Variants in ATP2B2 observed in about 807,000 individuals in gnomAD.
ATP2B2 encodes plasma membrane calcium-transporting ATPase 2.
In ATP2B2, 15 loss-of-function variants were observed where a neutral mutation model predicts 120.0. The ratio of observed to expected loss-of-function variants is 0.12; its 90% CI spans 0.08 to 0.19. The LOEUF (loss-of-function observed/expected upper bound fraction) is 0.19. Among genes scored for constraint, ATP2B2 ranks in the 10% least tolerant of loss-of-function variants. ATP2B2 has a pLI of 1.00. For synonymous variants in ATP2B2, 694 were observed against 700.3 expected (o/e 0.99, Z 0.14); for missense variants, 1,045 against 1,719.8 (o/e 0.61, Z 6.94).
intron 2 of ATP2B2, among the ~76,000 whole-genome samples, chr3:10,442,216 C>T (rs932554728): frequency 5.3e-5 from 8 of 152,062 alleles, no homozygotes; most frequent in African/African-American, 9.7e-5. Flanking sequence ...AGTGAGGCCC[C>T]GTGGAAATGC....
intron 2 of ATP2B2, among the ~76,000 whole-genome samples, chr3:10,417,991 T>C (rs2062847543): frequency 6.6e-6 from 1 of 152,150 alleles, no homozygotes; most frequent in African/African-American, 2.4e-5. Flanking sequence ...AGAAACTGAA[T>C]TTATAGCATG....
chr3:10,442,690 C>T (rs544178483), intron 2 of ATP2B2, among the ~76,000 whole-genome samples: 1 of 152,256 alleles, frequency 6.6e-6, no homozygotes, highest in South Asian at 2.1e-4. Flanking sequence ...CCAAGACTCA[C>T]ATGCATTGCT....
Position 10,347,992 on chromosome 3 carries a change from C to T in ATP2B2, c.2405-1855G>A, listed in dbSNP as rs543798874. Among the ~76,000 whole-genome samples the T allele has an allele frequency of 1.2e-4, 19 of 152,218 alleles. No individual in the cohort carries two copies. The South Asian group carries it at 3.5e-3, about 28-fold the overall frequency. On this transcript the variant is annotated intron_variant, in intron 16 of 22. Coordinates refer to ENST00000360273, the MANE Select transcript of ATP2B2 (RefSeq NM_001001331.4). This position sits in a 1 kb window ranked among gnomAD's most constrained non-coding sequence, Gnocchi z 5.2. The stretch of plus-strand genomic sequence containing the variant: ...CCCGGCACCACTCCCCACTGACCAT[C>T]CTCCTGCCCCTCTAGCCTCCTCCCC...
chr3:10,351,541 C>T (rs1175875170), intron 14 of ATP2B2, among the ~76,000 whole-genome samples: 5 of 152,258 alleles, frequency 3.3e-5, no homozygotes, highest in African/African-American at 4.8e-5. Context: ...TGACCAGGAG[C>T]GCACTCCAGC....
At chr3:10,345,281 G>T (rs1395251209) in intron 18 of ATP2B2, 103 bp downstream of exon 18, 4 of 1,350,962 alleles carry the variant, frequency 3.0e-6, no homozygotes. Flanking sequence ...CCTCATCCCC[G>T]GCTGTTCTGA....
intron 14 of ATP2B2, among the ~76,000 whole-genome samples, chr3:10,350,891 C>T (rs1294098563): frequency 2.6e-5 from 4 of 152,168 alleles, no homozygotes; most frequent in African/African-American, 7.2e-5. Context: ...TCGACCTGGG[C>T]GAAGACTTTG....
Position 10,341,274 on chromosome 3 carries a change from C to T in ATP2B2, c.2918-570G>A, listed in dbSNP as rs367568765. On this transcript the variant is annotated intron_variant, in intron 19 of 22. Coordinates refer to ENST00000360273, the MANE Select transcript of ATP2B2 (RefSeq NM_001001331.4). ...GCAGGGCACTGCTGTGTAGACGCTG[C>T]TGATAGGGTGTCTGATGCAGTCCTG... Among the ~76,000 whole-genome samples the T allele has an allele frequency of 6.6e-5, 10 of 152,094 alleles. 1 individual carries two copies. Among genetic ancestry groups the T allele is most frequent in the East Asian group, 5.8e-4 (3 of 5,178 alleles).
At chr3:10,665,009 C>T (rs950572348) in intron 1 of ATP2B2, among the ~76,000 whole-genome samples, 5 of 152,200 alleles carry the variant, frequency 3.3e-5, no homozygotes, top group Admixed American at 2.0e-4. Flanking sequence ...GTCTCCTCCT[C>T]TGAGCCACTA....
chr3:10,590,947 T>A (rs182755243), intron 2 of ATP2B2, among the ~76,000 whole-genome samples: 17 of 152,124 alleles, frequency 1.1e-4, no homozygotes. Flanking sequence ...AGGTGAGGAC[T>A]TCCTACTGAA....
At chr3:10,433,674 TA>T (rs1559332636) in intron 2 of ATP2B2, among the ~76,000 whole-genome samples, 2 of 152,104 alleles carry the variant, frequency 1.3e-5, no homozygotes, top group African/African-American at 4.8e-5. Flanking sequence ...GGAATGGACA[TA>T]GGGGATTTGA....
At chr3:10,396,869 G>A (rs2062054695) in intron 5 of ATP2B2, among the ~76,000 whole-genome samples, 1 of 152,060 alleles carries the variant, frequency 6.6e-6, no homozygotes. Flanking sequence ...AAGCTTGTTG[G>A]GGGTCCCTGG....
intron 1 of ATP2B2, among the ~76,000 whole-genome samples, chr3:10,672,911 G>A (rs529436275): frequency 2.2e-4 from 34 of 152,210 alleles, no homozygotes; most frequent in African/African-American, 8.2e-4. Flanking sequence ...TCAGCCAGTC[G>A]GGGGAAAGGA....
At chr3:10,444,081 T>C (rs1414870353) in intron 2 of ATP2B2, among the ~76,000 whole-genome samples, 8 of 152,318 alleles carry the variant, frequency 5.3e-5, no homozygotes, top group African/African-American at 1.7e-4. Context: ...CTCGGCCTCA[T>C]ACCTGACAGA....
At chr3:10,557,685 G>T (rs2067811685) in intron 2 of ATP2B2, among the ~76,000 whole-genome samples, 2 of 152,248 alleles carry the variant, frequency 1.3e-5, no homozygotes, top group African/African-American at 4.8e-5. Context: ...ACTGGAGTGG[G>T]GCCTGTGTAC....
At chr3:10,366,187 C>T (rs1275022659) in intron 12 of ATP2B2, among the ~76,000 whole-genome samples, 1 of 152,154 alleles carries the variant, frequency 6.6e-6, no homozygotes, top group African/African-American at 2.4e-5. Context: ...AATATTAGAT[C>T]GAGCCCTGGG....
Position 10,641,609 on chromosome 3 carries a change from G to A in ATP2B2, c.-459-21648C>T, listed in dbSNP as rs567991303. Reference sequence around the variant, plus strand: ...AGATCTCGCCTTTAAGATGCCAGTTGGCAATGTCTGGTCTAGAACAAGAAT... The same window carrying A: ...AGATCTCGCCTTTAAGATGCCAGTTAGCAATGTCTGGTCTAGAACAAGAAT... On this transcript the variant is annotated intron_variant, in intron 1 of 21. Transcript: ENST00000646379. 4.6e-5 allele frequency among the ~76,000 whole-genome samples: 7 copies of A among 152,310 alleles called. No homozygotes were observed. In the East Asian group the frequency reaches 1.3e-3, roughly 29 times the overall value.
rs1158170313 is a variant in ATP2B2, at chr3:10,399,975, A to T, written c.781+978T>A. On this transcript the variant is annotated intron_variant, in intron 5 of 22. Transcript: ENST00000360273. ...ATTCAGGCTAGGGGCTCCCATGGGCAGGGGCTGGGCCTGAATCACTGGTGG... is the reference window on the plus strand; with the variant it reads ...ATTCAGGCTAGGGGCTCCCATGGGCTGGGGCTGGGCCTGAATCACTGGTGG... Among the ~76,000 whole-genome samples, 4 of 152,348 alleles carry T rather than the reference A, an allele frequency of 2.6e-5. No homozygotes were observed. In the East Asian group the frequency reaches 7.7e-4, roughly 29 times the overall value.
rs2278556 is a variant in ATP2B2 at position 10,360,419 on chromosome 3, G to A, written c.1660-296C>T. Among the ~76,000 whole-genome samples, 52,817 of 152,144 alleles carry A rather than the reference G, an allele frequency of 0.35. 10,243 individuals carry two copies. The highest frequency in any genetic ancestry group is 0.54 in the East Asian group (2,818 of 5,184). On this transcript the variant is annotated intron_variant, in intron 12 of 22. Coordinates refer to ENST00000360273, the MANE Select transcript of ATP2B2 (RefSeq NM_001001331.4). The stretch of plus-strand genomic sequence containing the variant: ...TACGTGCCTATCATCCAGCTTTGTA[G>A]CATCTTAACATTATGCCGTACTTGC...
chr3:10,617,013 T>C (rs2069408076), intron 2 of ATP2B2, among the ~76,000 whole-genome samples: 1 of 152,260 alleles, frequency 6.6e-6, no homozygotes, highest in Admixed American at 6.5e-5. Context: ...AAAATTCATC[T>C]CAAACAGTTT....
Sources: gnomAD v4.1 joint callset for allele counts (sites outside exome capture counted in the v4.1 genomes callset) on GRCh38, gnomAD v4.1.1 for gene constraint, Gnocchi (gnomAD v3.1) non-coding constraint, MANE v1.5 for transcripts, NCBI Gene and HGNC (gene_info 2026-07-23, HGNC 2026-07-21) for gene names.